The following C8orf34 variants were observed in gnomAD, a reference collection of about 807,000 sequenced individuals.
The protein encoded by C8orf34 is uncharacterized protein C8orf34.
A neutral mutation model predicts 68.3 loss-of-function variants in C8orf34; 65 were observed. The ratio of observed to expected loss-of-function variants is 0.95; its 90% CI spans 0.78 to 1.17. The LOEUF (loss-of-function observed/expected upper bound fraction) is 1.17. Ranked by LOEUF, C8orf34 falls within the 50% of genes most tolerant of loss-of-function variation. The pLI is 0.00. For synonymous variants in C8orf34, 244 were observed against 241.2 expected, an observed-to-expected ratio of 1.01 and a Z score of -0.11; for missense variants, 664 against 655.4, an observed-to-expected ratio of 1.01 and a Z score of -0.14.
At chr8:68,381,168 A>T (rs1199677015) in intron 1 of C8orf34, among the ~76,000 whole-genome samples, 1 of 152,240 alleles carries the variant, frequency 6.6e-6, no homozygotes, top group Non-Finnish European at 1.5e-5. Flanking sequence ...CTATTGTATT[A>T]TCTGAAGCAG....
chr8:68,685,159 TA>T (rs1360004371), intron 8 of C8orf34, among the ~76,000 whole-genome samples: 1 of 152,144 alleles, frequency 6.6e-6, no homozygotes, highest in Non-Finnish European at 1.5e-5. Context: ...TGCTTGAACC[TA>T]TTGTTATTTC....
Position 68,640,425 on chromosome 8 carries a change from T to A in C8orf34, c.1155T>A (p.Ser385=). 6.2e-7 allele frequency: 1 copy of A among 1,613,922 alleles called. No individual in the cohort carries two copies. Among genetic ancestry groups the A allele is most frequent in the Non-Finnish European group, 8.5e-7 (1 of 1,179,858 alleles). Reference sequence around the variant, plus strand: ...AGGGAGTAACAACCCTGGTACCTTCTGGGAGCAAATTTAACCAAGGCCGTC... The same window carrying A: ...AGGGAGTAACAACCCTGGTACCTTCAGGGAGCAAATTTAACCAAGGCCGTC... The part of the protein sequence containing the change: ...RMEGVTTLVP[S]GSKFNQGRPT... Residue 385 remains serine (S), a synonymous_variant, in exon 8 of 14, where the codon TCT becomes TCA. Transcript: ENST00000518698.
intron 7 of C8orf34, among the ~76,000 whole-genome samples, chr8:68,619,251 G>A (rs544713777): frequency 3.9e-5 from 6 of 152,192 alleles, no homozygotes; most frequent in Non-Finnish European, 7.3e-5. Context: ...ACTTGAGCCT[G>A]GGAGACAGAG....
chr8:68,676,822 G>A (rs1820205632), intron 8 of C8orf34, among the ~76,000 whole-genome samples: 1 of 152,194 alleles, frequency 6.6e-6, no homozygotes, highest in Admixed American at 6.5e-5. Context: ...TGGCTGAGAG[G>A]CCTCATAATC....
At chr8:68,589,506 CGAGAGAGAGAAAGG>C (rs145729454) in intron 7 of C8orf34, among the ~76,000 whole-genome samples, 80,940 of 137,482 alleles carry the variant, frequency 0.59, 23,166 homozygotes, top group African/African-American at 0.65. Context: ...AGAGAGAGAA[CGAGAGAGAGAAAGG>C]GAGAGAGAGA....
At chr8:68,571,800 C>A (rs769490065) in intron 7 of C8orf34, among the ~76,000 whole-genome samples, 14 of 152,108 alleles carry the variant, frequency 9.2e-5, no homozygotes, top group Non-Finnish European at 1.5e-4. Flanking sequence ...GGTGACTGAG[C>A]CTTCTATTTG....
intron 8 of C8orf34, among the ~76,000 whole-genome samples, chr8:68,661,031 G>A (rs1017666781): frequency 6.6e-6 from 1 of 152,154 alleles, no homozygotes; most frequent in African/African-American, 2.4e-5. Flanking sequence ...CTTTTGGCTT[G>A]GCTGGGGGAG....
intron 3 of C8orf34, among the ~76,000 whole-genome samples, chr8:68,462,169 C>A (rs1359218745): frequency 6.6e-6 from 1 of 151,874 alleles, no homozygotes; most frequent in Non-Finnish European, 1.5e-5. Context: ...GACTTTAAAC[C>A]AACAAAGATC....
At chr8:68,746,094 C>T (rs1822481909) in intron 10 of C8orf34, among the ~76,000 whole-genome samples, 1 of 152,210 alleles carries the variant, frequency 6.6e-6, no homozygotes, top group South Asian at 2.1e-4. Flanking sequence ...CTCAAAACCA[C>T]TCAATTACAT....
chr8:68,394,602 T>G (rs1364927494), intron 1 of C8orf34, among the ~76,000 whole-genome samples: 6 of 152,130 alleles, frequency 3.9e-5, no homozygotes, highest in Non-Finnish European at 5.9e-5. Context: ...GTGCCAAATA[T>G]TTTACAAAGT....
rs58483458 is a variant in C8orf34 at position 68,441,011 on chromosome 8, A to G, written c.475+1365A>G. On this transcript the variant is annotated intron_variant, in intron 2 of 13. Transcript: ENST00000518698. Reference sequence around the variant, plus strand: ...AGTAGAGACGGGGTTTCACTGTGTTAGCCAGGATGGTCTCGATCTCCTGAC... The same window carrying G: ...AGTAGAGACGGGGTTTCACTGTGTTGGCCAGGATGGTCTCGATCTCCTGAC... Among the ~76,000 whole-genome samples the G allele has an allele frequency of 6.5e-3, 982 of 152,060 alleles. 6 individuals are homozygous for G. The highest frequency in any genetic ancestry group is 0.01 in the Non-Finnish European group (696 of 67,986).
intron 1 of C8orf34, among the ~76,000 whole-genome samples, chr8:68,383,363 A>T (rs905068627): frequency 1.3e-5 from 2 of 152,178 alleles, no homozygotes; most frequent in Non-Finnish European, 2.9e-5. Flanking sequence ...CCTACTTCAG[A>T]TCCCTGTGAT....
intron 7 of C8orf34, among the ~76,000 whole-genome samples, chr8:68,550,625 A>T (rs753152042): frequency 6.6e-6 from 1 of 151,886 alleles, no homozygotes; most frequent in Non-Finnish European, 1.5e-5. Context: ...TCTCTGAAGA[A>T]CTTCTTTTAA....
chr8:68,599,097 G>C (rs1033366733), intron 7 of C8orf34, among the ~76,000 whole-genome samples: 8 of 151,884 alleles, frequency 5.3e-5, no homozygotes, highest in Non-Finnish European at 1.2e-4. Flanking sequence ...TCATCTATTA[G>C]CAGAATTAAC....
In C8orf34 at chr8:68,601,688, C is replaced by A. The variant is rs529409000; in HGVS notation, c.1106-38688C>A. Among the ~76,000 whole-genome samples, 7 of 152,214 alleles carry A rather than the reference C, an allele frequency of 4.6e-5. No homozygotes were observed. The South Asian group carries it at 1.5e-3, about 32-fold the overall frequency. ...ACTTCTAGGATGGCTACTTTAAAAT[C>A]TTTGTCAGATAACTGCAATATCCAT... On this transcript the variant is annotated intron_variant, in intron 7 of 13. Coordinates refer to ENST00000518698, the MANE Select transcript of C8orf34 (RefSeq NM_052958.4).
chr8:68,340,035 A>G (rs933771392), intron 1 of C8orf34, among the ~76,000 whole-genome samples: 1 of 152,146 alleles, frequency 6.6e-6, no homozygotes, highest in Non-Finnish European at 1.5e-5. Flanking sequence ...TAGCTGCTCA[A>G]TATCATTAGG....
Position 68,815,868 on chromosome 8 carries a change from G to C in C8orf34, c.1550-18G>C, listed in dbSNP as rs1243598052. 6 of 1,613,578 alleles carry C rather than the reference G, an allele frequency of 3.7e-6. No individual in the cohort carries two copies. The highest frequency in any genetic ancestry group is 2.5e-6 in the Non-Finnish European group (3 of 1,179,634). ...TTTCCTGGCCTGGCATATTATCTCTGTTTCTTTTGTTGTGCAGGTTCCGCT... is the reference window on the plus strand; with the variant it reads ...TTTCCTGGCCTGGCATATTATCTCTCTTTCTTTTGTTGTGCAGGTTCCGCT... On this transcript the variant is annotated intron_variant, in intron 12 of 13. Transcript: ENST00000518698.
chr8:68,818,462 G>A lies in C8orf34; in HGVS notation c.*216G>A, dbSNP rs548602103. ...AGGATTGTGGGGTGGTCAGGAGGCCGGCTGCCTTTTGACATGGTTAGAGTC... is the reference window on the plus strand; with the variant it reads ...AGGATTGTGGGGTGGTCAGGAGGCCAGCTGCCTTTTGACATGGTTAGAGTC... On this transcript the variant is annotated 3_prime_UTR_variant, in exon 14 of 14. Coordinates refer to ENST00000518698, the MANE Select transcript of C8orf34 (RefSeq NM_052958.4). The A allele has an allele frequency of 5.3e-5, 27 of 514,204 alleles. No homozygotes were observed. The highest frequency in any genetic ancestry group is 4.6e-4 in the African/African-American group (24 of 52,268). 31.9% of individuals were successfully genotyped at this position (514,204 alleles called of 1,614,324 possible).
At chr8:68,580,597 G>A (rs1817035264) in intron 7 of C8orf34, among the ~76,000 whole-genome samples, 1 of 152,098 alleles carries the variant, frequency 6.6e-6, no homozygotes, top group Non-Finnish European at 1.5e-5. Flanking sequence ...GAGGTCATAA[G>A]ACTGTTAAGT....
Sources: gnomAD v4.1 joint callset for allele counts (sites outside exome capture counted in the v4.1 genomes callset) on GRCh38, gnomAD v4.1.1 for gene constraint, MANE v1.5 for transcripts, NCBI Gene and HGNC (gene_info 2026-07-23, HGNC 2026-07-21) for gene names.